Variants in KAT6A observed in about 807,000 individuals in gnomAD.
The protein encoded by KAT6A is lysine acetyltransferase 6A, also known as histone acetyltransferase KAT6A.
KAT6A carries 9 observed loss-of-function variants against 198.4 expected under a neutral mutation model. That is an observed-to-expected ratio of 0.05 (90% CI 0.03 to 0.08). The LOEUF is 0.08. Among genes scored for constraint, KAT6A ranks in the 10% least tolerant of loss-of-function variants. The probability of loss-of-function intolerance (pLI) is 1.00; values close to 1 mark genes in which losing one functional copy is unlikely to be tolerated. For missense variants in KAT6A, 2,077 were observed against 2,509.9 expected, an observed-to-expected ratio of 0.83 and a Z score of 3.69; for synonymous variants, 890 against 883.0, an observed-to-expected ratio of 1.01 and a Z score of -0.14.
chr8:41,990,864 G>A (rs1035811386), intron 2 of KAT6A, among the ~76,000 whole-genome samples: 6 of 151,908 alleles, frequency 3.9e-5, no homozygotes, highest in East Asian at 3.9e-4. Context: ...GCATGGTGGC[G>A]GGCATCTGTA....
At chr8:41,939,562 C>T (rs1290838689) in intron 15 of KAT6A, among the ~76,000 whole-genome samples, 1 of 152,120 alleles carries the variant, frequency 6.6e-6, no homozygotes, top group African/African-American at 2.4e-5. Flanking sequence ...AGATATATGC[C>T]AACAGGTACC....
chr8:42,023,757 G>A (rs4737027), intron 2 of KAT6A, among the ~76,000 whole-genome samples: 37,639 of 150,104 alleles, frequency 0.25, 5,249 homozygotes, highest in Middle Eastern at 0.43. Context: ...AAACTGCTGC[G>A]ACTACAGGTG....
intron 2 of KAT6A, 112 bp downstream of exon 2, chr8:42,048,266 C>CA: frequency 9.3e-7 from 1 of 1,079,638 alleles, no homozygotes; most frequent in Non-Finnish European, 1.3e-6. Flanking sequence ...CAGAGGTGAT[C>CA]ACTCCACAGA....
chr8:42,031,351 G>GC (rs1386451475), intron 2 of KAT6A, among the ~76,000 whole-genome samples: 1 of 152,104 alleles, frequency 6.6e-6, no homozygotes, highest in Non-Finnish European at 1.5e-5. Context: ...GAGGTATCAA[G>GC]CATTTCTAGA....
At chr8:41,944,877 A>C (rs1235827615) in intron 12 of KAT6A, among the ~76,000 whole-genome samples, 1 of 152,250 alleles carries the variant, frequency 6.6e-6, no homozygotes, top group East Asian at 1.9e-4. Flanking sequence ...TCATCTAAAA[A>C]GACCAGAAAA....
At chr8:42,041,418 A>G (rs1342071636) in intron 2 of KAT6A, among the ~76,000 whole-genome samples, 1 of 152,166 alleles carries the variant, frequency 6.6e-6, no homozygotes, top group Non-Finnish European at 1.5e-5. Flanking sequence ...GTCACAAACA[A>G]ATGGTATAAA....
chr8:41,960,438 C>T (rs150517284), intron 8 of KAT6A, among the ~76,000 whole-genome samples: 28 of 137,886 alleles, frequency 2.0e-4, no homozygotes, highest in Admixed American at 5.8e-4. Flanking sequence ...ACCCGGGAGG[C>T]GGAGCTTGCA....
intron 8 of KAT6A, 92 bp from the exon 9 acceptor site, chr8:41,955,503 GA>G: frequency 1.3e-6 from 1 of 752,226 alleles, no homozygotes; most frequent in East Asian, 2.7e-5. Context: ...GTCTTCTCAG[GA>G]CTCCAAAGGA....
intron 2 of KAT6A, among the ~76,000 whole-genome samples, chr8:42,000,782 A>T (rs1825459811): frequency 6.6e-6 from 1 of 152,198 alleles, no homozygotes; most frequent in Admixed American, 6.5e-5. Context: ...TATCAGAATC[A>T]TGATGTTTGG....
chr8:41,944,390 T>C (rs933738813), intron 12 of KAT6A, among the ~76,000 whole-genome samples: 4 of 152,182 alleles, frequency 2.6e-5, no homozygotes, highest in Non-Finnish European at 5.9e-5. Context: ...CCTATTAAAA[T>C]TGTAGTTCTG....
At position 41,937,349 on chromosome 8, in the gene KAT6A, G is replaced by A. The variant is rs763406495; in HGVS notation, c.3259C>T (p.Arg1087Cys). The change falls in exon 16 of 17, where the codon CGT becomes TGT. Residue 1087 changes from arginine to cysteine, a missense_variant. Arg to Cys is a radical substitution (Grantham distance 180). This residue lies in a region of KAT6A where 375 missense variants were observed against 383.0 expected (regional missense o/e 0.98). Coordinates refer to ENST00000265713, the MANE Select transcript of KAT6A (RefSeq NM_006766.5). ...NELFPREYFR[R>C]LSSQDVLRCQ... is the part of the protein sequence containing the mutation. Reference sequence around the variant, plus strand: ...CTGAGTACATCCTGCGAAGACAAACGACGGAAGTATTCTCTAGGGAAAAGT... The same window carrying A: ...CTGAGTACATCCTGCGAAGACAAACAACGGAAGTATTCTCTAGGGAAAAGT... 44 of 1,613,828 alleles carry A rather than the reference G, an allele frequency of 2.7e-5. No homozygotes were observed. Among genetic ancestry groups the A allele is most frequent in the East Asian group, 4.5e-5 (2 of 44,888 alleles).
At chr8:42,030,681 C>T (rs898410374) in intron 2 of KAT6A, among the ~76,000 whole-genome samples, 1 of 151,932 alleles carries the variant, frequency 6.6e-6, no homozygotes, top group Admixed American at 6.6e-5. Flanking sequence ...ACTCGTGCCT[C>T]AGCTTCTCAA....
intron 6 of KAT6A, 87 bp downstream of exon 6, chr8:41,978,555 T>G (rs1371190376): frequency 7.1e-7 from 1 of 1,404,376 alleles, no homozygotes; most frequent in African/African-American, 1.4e-5. Context: ...ACAATGGAAT[T>G]TTTTTCATAG....
chr8:41,957,389 A>G (rs1254193123), intron 8 of KAT6A: 9 of 450,190 alleles, frequency 2.0e-5, no homozygotes, highest in Non-Finnish European at 2.7e-5. Context: ...AAATGGCTAC[A>G]CAGAAACCAC....
chr8:41,996,847 A>G (rs932634124), intron 2 of KAT6A, among the ~76,000 whole-genome samples: 4 of 152,248 alleles, frequency 2.6e-5, no homozygotes, highest in Admixed American at 2.6e-4. Flanking sequence ...AAAACAGACT[A>G]AGGCATACAC....
rs188059108 is a variant in KAT6A, at chr8:41,975,827, A to G, written c.1364-1005T>C. On this transcript the variant is annotated intron_variant, in intron 7 of 16. Coordinates refer to ENST00000265713, the MANE Select transcript of KAT6A (RefSeq NM_006766.5). ...CTTGCTCTAACAATTTCTATTTCAAAAGCTTTCTAGTAGATTCTTCTAATA... is the reference window on the plus strand; with the variant it reads ...CTTGCTCTAACAATTTCTATTTCAAGAGCTTTCTAGTAGATTCTTCTAATA... Among the ~76,000 whole-genome samples the G allele has an allele frequency of 3.5e-4, 53 of 152,284 alleles. 1 individual carries two copies. The highest frequency in any genetic ancestry group is 2.7e-3 in the Admixed American group (42 of 15,278).
chr8:42,035,547 G>C (rs1827332973), intron 2 of KAT6A, among the ~76,000 whole-genome samples: 1 of 152,100 alleles, frequency 6.6e-6, no homozygotes, highest in Non-Finnish European at 1.5e-5. Flanking sequence ...TCTAGATACA[G>C]GCAAAAGATA....
At chr8:42,042,976 C>T (rs1342258554) in intron 2 of KAT6A, among the ~76,000 whole-genome samples, 1 of 152,060 alleles carries the variant, frequency 6.6e-6, no homozygotes, top group Non-Finnish European at 1.5e-5. Context: ...TTTAAATGGA[C>T]CATCACAGTC....
Position 42,048,562 on chromosome 8 carries a change from G to A in KAT6A, c.416C>T (p.Ala139Val), listed in dbSNP as rs574815842. Residue 139 changes from alanine (A) to valine (V), a missense_variant, in exon 2 of 17, where the codon GCT (alanine) becomes GTT (valine). By Grantham distance (64) the Ala-to-Val change is moderately conservative. Transcript: ENST00000265713. The part of the protein sequence containing the change: ...KDVSALFGGS[A>V]ASGFHQQLRL... ...TAACTGCTGGTGAAAGCCAGAGGCA[G>A]CACTGCCTCCGAATAATGCAGACAC... is the stretch of plus-strand genomic sequence containing the variant. 4 of 1,614,170 alleles carry A rather than the reference G, an allele frequency of 2.5e-6. No homozygotes were observed. The highest frequency in any genetic ancestry group is 2.2e-5 in the South Asian group (2 of 91,090).
Sources: allele counts gnomAD v4.1 joint callset (sites outside exome capture counted in the v4.1 genomes callset), GRCh38; gene constraint gnomAD v4.1.1; regional missense constraint gnomAD v4.1.1; transcripts MANE v1.5; gene names NCBI Gene and HGNC (gene_info 2026-07-23, HGNC 2026-07-21).